ZBTB10: variants seen among roughly 807,000 people sequenced by gnomAD.
ZBTB10 encodes zinc finger and BTB domain-containing protein 10.
A neutral mutation model predicts 76.4 loss-of-function variants in ZBTB10; 32 were observed. The ratio of observed to expected loss-of-function variants is 0.42; its 90% CI spans 0.32 to 0.56. The LOEUF (loss-of-function observed/expected upper bound fraction) is 0.56. Ranked by LOEUF, ZBTB10 falls within the 20% of genes least tolerant of loss-of-function variation. The pLI is 0.14. For missense variants in ZBTB10, 1,057 were observed against 1,098.5 expected (o/e 0.96, Z 0.53); for synonymous variants, 523 against 432.9 (o/e 1.21, Z -2.58).
In ZBTB10 at chr8:80,525,982, A is replaced by G. The variant is rs896473482; in HGVS notation, c.*6454A>G. 2.8e-4 allele frequency: 42 copies of G among 152,292 alleles called. No individual in the cohort carries two copies. Among genetic ancestry groups the G allele is most frequent in the African/African-American group, 9.1e-4 (38 of 41,566 alleles). The allele number at this position is 152,292 out of a possible 1,614,324, so 9.4% of individuals were successfully genotyped here. On this transcript the variant is annotated 3_prime_UTR_variant, in exon 6 of 6. Coordinates refer to ENST00000455036, the MANE Select transcript of ZBTB10 (RefSeq NM_001105539.3). ...ATACATAACCCTAGTAGATAATGTTACTGCAAGATGTAATGACCAAATCCA... is the reference window on the plus strand; with the variant it reads ...ATACATAACCCTAGTAGATAATGTTGCTGCAAGATGTAATGACCAAATCCA...
chr8:80,516,328 A>G (rs988750577), intron 3 of ZBTB10, among the ~76,000 whole-genome samples: 2 of 152,250 alleles, frequency 1.3e-5, no homozygotes, highest in African/African-American at 2.4e-5. Flanking sequence ...AGTCAGAAGT[A>G]TGTATTGGCA....
Position 80,519,754 on chromosome 8 carries a change from TACTC to T in ZBTB10, c.*228_*231del, listed in dbSNP as rs557029664. On this transcript the variant is annotated 3_prime_UTR_variant, in exon 6 of 6. Transcript: ENST00000455036. ...GGTTGGATTACATGGAGTCCCCACA[TACTC>T]AGTCAGTTATCAAAGTAAAATATTT... 300 of 444,134 alleles carry T rather than the reference TACTC, an allele frequency of 6.8e-4. No homozygotes were observed. Among genetic ancestry groups the T allele is most frequent in the African/African-American group, 2.6e-3 (136 of 51,782 alleles). 27.5% of individuals were successfully genotyped at this position (444,134 alleles called of 1,614,324 possible).
chr8:80,493,207 G>GCGCGCGCGCGCACACACACACACA (rs375071529), intron 1 of ZBTB10, among the ~76,000 whole-genome samples: 1 of 125,242 alleles, frequency 8.0e-6, no homozygotes, highest in African/African-American at 3.1e-5. Flanking sequence ...GCGCGCGCGC[G>GCGCGCGCGCGCACACACACACACA]CACACACACA....
intron 1 of ZBTB10, among the ~76,000 whole-genome samples, chr8:80,495,315 T>C (rs1314207090): frequency 6.6e-6 from 1 of 152,162 alleles, no homozygotes; most frequent in African/African-American, 2.4e-5. Context: ...CCGTAGGGCT[T>C]TTTAGAAAAT....
At chr8:80,487,864 G>A in intron 1 of ZBTB10, 82 bp downstream of exon 1, 4 of 1,431,014 alleles carry the variant, frequency 2.8e-6, no homozygotes, top group Non-Finnish European at 3.7e-6. Context: ...ACCCACCCCC[G>A]AAAAAAAACC....
At chr8:80,505,438 T>A (rs1184439708) in intron 2 of ZBTB10, among the ~76,000 whole-genome samples, 1 of 152,172 alleles carries the variant, frequency 6.6e-6, no homozygotes, top group Non-Finnish European at 1.5e-5. Context: ...TGTAAATGAT[T>A]TTTTTTCCTT....
chr8:80,491,645 A>G (rs1348616757), intron 1 of ZBTB10, among the ~76,000 whole-genome samples: 1 of 152,164 alleles, frequency 6.6e-6, no homozygotes, highest in Non-Finnish European at 1.5e-5. Context: ...GATGTGAGGG[A>G]CAATTAATAG....
At position 80,487,672 on chromosome 8, in the gene ZBTB10, C is replaced by T; in HGVS notation, c.862C>T (p.Pro288Ser). 6.2e-7 allele frequency: 1 copy of T among 1,613,952 alleles called. No individual in the cohort carries two copies. Among genetic ancestry groups the T allele is most frequent in the Non-Finnish European group, 8.5e-7 (1 of 1,179,876 alleles). The change falls in exon 1 of 6, where the codon CCC becomes TCC. Residue 288 changes from proline (P) to serine (S), a missense_variant. Physicochemically the swap from Pro to Ser is moderately conservative, Grantham distance 74. Coordinates refer to ENST00000455036, the MANE Select transcript of ZBTB10 (RefSeq NM_001105539.3). Reference sequence around the variant, plus strand: ...TGCAGATGGGGGAAGCGTGGACCTTCCCCCAGTGGGGCATGATGAGCTTTC... The same window carrying T: ...TGCAGATGGGGGAAGCGTGGACCTTTCCCCAGTGGGGCATGATGAGCTTTC... Reference protein sequence around the residue: ...TPADGGSVDLPPVGHDELSRG... With the variant: ...TPADGGSVDLSPVGHDELSRG...
Position 80,487,698 on chromosome 8 carries a change from G to T in ZBTB10, c.888G>T (p.Ser296=), listed in dbSNP as rs1283625207. Residue 296 remains serine, a synonymous_variant, in exon 1 of 6, where the codon TCG becomes TCT. Coordinates refer to ENST00000455036, the MANE Select transcript of ZBTB10 (RefSeq NM_001105539.3). ...DLPPVGHDEL[S]RGTRNYKKTL... is the part of the protein sequence containing the mutation. ...CCCCAGTGGGGCATGATGAGCTTTC[G>T]CGAGGGACCCGCAACTACAAGAAAA... 3 of 1,613,902 alleles carry T rather than the reference G, an allele frequency of 1.9e-6. No homozygotes were observed. The highest frequency in any genetic ancestry group is 2.5e-6 in the Non-Finnish European group (3 of 1,179,868).
intron 1 of ZBTB10, among the ~76,000 whole-genome samples, chr8:80,491,687 C>T (rs1474443498): frequency 1.3e-5 from 2 of 152,184 alleles, no homozygotes; most frequent in Non-Finnish European, 2.9e-5. Flanking sequence ...ACTACATCGT[C>T]AGAGTCAGGT....
chr8:80,490,984 A>G (rs1028292068), intron 1 of ZBTB10, among the ~76,000 whole-genome samples: 5 of 152,162 alleles, frequency 3.3e-5, no homozygotes, highest in Admixed American at 6.5e-5. Flanking sequence ...TGGGTGAATC[A>G]CTTGAGGTCA....
intron 1 of ZBTB10, 40 bp downstream of exon 1, chr8:80,487,822 G>A: frequency 6.6e-7 from 1 of 1,516,918 alleles, no homozygotes; most frequent in Non-Finnish European, 8.8e-7. Flanking sequence ...AGATCTTTTA[G>A]GGAAAGGTTT....
Position 80,499,763 on chromosome 8 carries a change from T to C in ZBTB10, c.1242T>C (p.Val414=). 6.2e-7 allele frequency: 1 copy of C among 1,614,014 alleles called. No homozygotes were observed. The highest frequency in any genetic ancestry group is 8.5e-7 in the Non-Finnish European group (1 of 1,179,886). ...NNTTHLDIAA[V]QGFSVILDFL... ...CTACCCACTTAGATATTGCTGCAGTTCAAGGTTTTTCAGTCATCTTGGACT... is the reference window on the plus strand; with the variant it reads ...CTACCCACTTAGATATTGCTGCAGTCCAAGGTTTTTCAGTCATCTTGGACT... Residue 414 remains valine (V), a synonymous_variant, in exon 2 of 6, where the codon GTT becomes GTC. Transcript: ENST00000455036.
At position 80,486,876 on chromosome 8, in the gene ZBTB10, C is replaced by T; in HGVS notation, c.66C>T (p.Ser22=). The T allele has an allele frequency of 6.6e-7, 1 of 1,513,028 alleles. No individual in the cohort carries two copies. Among genetic ancestry groups the T allele is most frequent in the Non-Finnish European group, 8.8e-7 (1 of 1,132,844 alleles). The allele number at this position is 1,513,028 out of a possible 1,614,324, so 93.7% of individuals were successfully genotyped here. A position where few individuals can be genotyped will look rare whatever the true frequency, so the allele number is the denominator to read the frequency against. The change falls in exon 1 of 6, where the codon AGC becomes AGT. Residue 22 remains serine, a synonymous_variant. Transcript: ENST00000455036. ...GAGGAGGCGGGTTGGTCACCGCTAG[C>T]GGCGGCGGCTCCACGAACAATAACG... ...AFRGGGLVTA[S]GGGSTNNNAG...
intron 3 of ZBTB10, among the ~76,000 whole-genome samples, chr8:80,517,131 G>A (rs1816343857): frequency 6.6e-6 from 1 of 152,200 alleles, no homozygotes; most frequent in Non-Finnish European, 1.5e-5. Context: ...AGCTTTTACT[G>A]TGAGGGTGGG....
intron 1 of ZBTB10, among the ~76,000 whole-genome samples, chr8:80,493,880 C>CT (rs1480455792): frequency 1.3e-5 from 2 of 152,172 alleles, no homozygotes; most frequent in Non-Finnish European, 2.9e-5. Flanking sequence ...CTCCCTAACA[C>CT]TCACAGGATT....
At chr8:80,497,364 T>C (rs1022592180) in intron 1 of ZBTB10, among the ~76,000 whole-genome samples, 8 of 152,004 alleles carry the variant, frequency 5.3e-5, no homozygotes, top group African/African-American at 1.9e-4. Flanking sequence ...TACTCATGAA[T>C]GGACTTGTTT....
chr8:80,497,683 C>CTTTTTTTTTTTTTTTTTT (rs397891910), intron 1 of ZBTB10, among the ~76,000 whole-genome samples: 1 of 87,632 alleles, frequency 1.1e-5, no homozygotes, highest in Non-Finnish European at 2.1e-5. Flanking sequence ...GTCCTGGAAT[C>CTTTTTTTTTTTTTTTTTT]TTTTTTTTTT....
At chr8:80,494,153 T>G (rs1815721776) in intron 1 of ZBTB10, among the ~76,000 whole-genome samples, 1 of 152,152 alleles carries the variant, frequency 6.6e-6, no homozygotes, top group Non-Finnish European at 1.5e-5. Context: ...TGCTGCAGAG[T>G]AATATTTTTA....
Sources: gnomAD v4.1 joint callset for allele counts (sites outside exome capture counted in the v4.1 genomes callset) on GRCh38, gnomAD v4.1.1 for gene constraint, MANE v1.5 for transcripts, NCBI Gene and HGNC (gene_info 2026-07-23, HGNC 2026-07-21) for gene names.